Variants in UBE2E2 observed in about 807,000 individuals in gnomAD.
UBE2E2 encodes the protein ubiquitin conjugating enzyme E2 E2, also known as ubiquitin-conjugating enzyme E2 E2.
A neutral mutation model predicts 24.7 loss-of-function variants in UBE2E2; 6 were observed. The ratio of observed to expected loss-of-function variants is 0.24; its 90% confidence interval spans 0.13 to 0.48. The LOEUF (loss-of-function observed/expected upper bound fraction) is 0.48, where lower values mean the gene tolerates loss of function less well. Ranked by LOEUF, UBE2E2 falls within the 20% of genes least tolerant of loss-of-function variation. The pLI is 0.99. For missense variants in UBE2E2, 169 were observed against 245.0 expected (o/e 0.69, Z 2.07); for synonymous variants, 104 against 83.6 (o/e 1.24, Z -1.33).
chr3:23,524,849 T>TACACACAG (rs1036851446), intron 4 of UBE2E2, among the ~76,000 whole-genome samples: 144 of 132,486 alleles, frequency 1.1e-3, no homozygotes, highest in Admixed American at 2.1e-3. Flanking sequence ...GAGATACAGA[T>TACACACAG]ACACACAGAC....
intron 3 of UBE2E2, among the ~76,000 whole-genome samples, chr3:23,275,957 C>T (rs764776777): frequency 2.6e-5 from 4 of 152,092 alleles, no homozygotes; most frequent in African/African-American, 4.8e-5. Context: ...CCAGAGACTA[C>T]GTATCTGAGA....
At chr3:23,496,695 A>T (rs1483134245) in intron 3 of UBE2E2, among the ~76,000 whole-genome samples, 1 of 152,080 alleles carries the variant, frequency 6.6e-6, no homozygotes, top group Non-Finnish European at 1.5e-5. Flanking sequence ...CAATTTTGCT[A>T]TTATAAATAG....
intron 3 of UBE2E2, among the ~76,000 whole-genome samples, chr3:23,308,284 A>G (rs17012988): frequency 0.029 from 4,379 of 152,302 alleles, 108 homozygotes; most frequent in East Asian, 0.13. Context: ...TCCTTCTCTT[A>G]TAAGCCCCTA....
intron 3 of UBE2E2, among the ~76,000 whole-genome samples, chr3:23,344,154 G>T (rs1375153704): frequency 6.6e-6 from 1 of 152,018 alleles, no homozygotes; most frequent in Non-Finnish European, 1.5e-5. Context: ...CAGATTTGGG[G>T]ATGTCTAATC....
intron 3 of UBE2E2, among the ~76,000 whole-genome samples, chr3:23,467,651 A>T (rs1698950526): frequency 6.6e-6 from 1 of 152,180 alleles, no homozygotes; most frequent in Non-Finnish European, 1.5e-5. Flanking sequence ...CTGCACTGTG[A>T]TCTATGGTTA....
intron 3 of UBE2E2, among the ~76,000 whole-genome samples, chr3:23,317,380 A>G (rs979407258): frequency 4.5e-4 from 69 of 152,160 alleles, no homozygotes; most frequent in African/African-American, 1.5e-3. Context: ...GTGAGTTCCA[A>G]TGCAAAGCCC....
At chr3:23,223,300 C>G (rs1034976272) in intron 3 of UBE2E2, among the ~76,000 whole-genome samples, 1 of 150,828 alleles carries the variant, frequency 6.6e-6, no homozygotes, top group African/African-American at 2.4e-5. Context: ...TCAAGTGATT[C>G]TTCTGCCTCA....
At chr3:23,429,518 G>A (rs913044048) in intron 3 of UBE2E2, among the ~76,000 whole-genome samples, 1 of 152,074 alleles carries the variant, frequency 6.6e-6, no homozygotes, top group Non-Finnish European at 1.5e-5. Context: ...CCGTCAACAG[G>A]CTAAAGAAAA....
At chr3:23,328,076 T>C (rs1694952330) in intron 3 of UBE2E2, among the ~76,000 whole-genome samples, 1 of 152,212 alleles carries the variant, frequency 6.6e-6, no homozygotes, top group Non-Finnish European at 1.5e-5. Context: ...ATATAAATAC[T>C]GAGGAAATCA....
At chr3:23,548,185 G>C (rs35982877) in intron 5 of UBE2E2, among the ~76,000 whole-genome samples, 7,797 of 152,220 alleles carry the variant, frequency 0.051, 273 homozygotes, top group East Asian at 0.13. Flanking sequence ...GAAAGAAAAT[G>C]AATCACGTCA....
intron 5 of UBE2E2, among the ~76,000 whole-genome samples, chr3:23,569,242 C>T (rs958266793): frequency 6.6e-6 from 1 of 152,094 alleles, no homozygotes; most frequent in Admixed American, 6.6e-5. Flanking sequence ...CATATTATTC[C>T]ATTTAGGAAA....
chr3:23,486,100 G>A (rs916518094), intron 3 of UBE2E2, among the ~76,000 whole-genome samples: 1 of 152,164 alleles, frequency 6.6e-6, no homozygotes, highest in Non-Finnish European at 1.5e-5. Flanking sequence ...TTGCACTACT[G>A]GCCTGGATCC....
intron 3 of UBE2E2, among the ~76,000 whole-genome samples, chr3:23,330,496 A>G (rs1695031778): frequency 6.6e-6 from 1 of 152,242 alleles, no homozygotes; most frequent in Non-Finnish European, 1.5e-5. Flanking sequence ...AAGAAAGATT[A>G]GAATCCTGTG....
chr3:23,589,059 T>C lies in UBE2E2; in HGVS notation c.509-675T>C, dbSNP rs2125523987. 6.6e-6 allele frequency among the ~76,000 whole-genome samples: 1 copy of C among 152,086 alleles called. No individual in the cohort carries two copies. Among genetic ancestry groups the C allele is most frequent in the African/African-American group, 2.4e-5 (1 of 41,454 alleles). ...GGAGTTGTCCAGACCGCCAAACGTC[T>C]TCCCAGGAGAGCTCATCAAGAGCCC... is the stretch of plus-strand genomic sequence containing the variant. On this transcript the variant is annotated intron_variant, in intron 5 of 5. Transcript: ENST00000396703. The surrounding 1 kb of genome is among the most constrained non-coding windows in gnomAD (Gnocchi z 4.1).
intron 3 of UBE2E2, chr3:23,270,820 CTCT>C (rs1698220887): frequency 2.3e-6 from 1 of 434,266 alleles, no homozygotes; most frequent in Admixed American, 2.4e-5. Flanking sequence ...TTAACACACT[CTCT>C]TAGGTGTGCA....
intron 3 of UBE2E2, among the ~76,000 whole-genome samples, chr3:23,244,867 T>C (rs1364723775): frequency 1.3e-5 from 2 of 152,144 alleles, no homozygotes; most frequent in Non-Finnish European, 2.9e-5. Flanking sequence ...AAGGTACAAA[T>C]TGTATTACTG....
At chr3:23,420,162 C>A (rs901601212) in intron 3 of UBE2E2, among the ~76,000 whole-genome samples, 1 of 152,148 alleles carries the variant, frequency 6.6e-6, no homozygotes, top group Non-Finnish European at 1.5e-5. Flanking sequence ...CAGTTATCTG[C>A]TAAATGTAAG....
intron 4 of UBE2E2, among the ~76,000 whole-genome samples, chr3:23,501,493 A>G (rs41380744): frequency 0.016 from 2,501 of 152,304 alleles, 30 homozygotes; most frequent in Non-Finnish European, 0.023. Flanking sequence ...CCAAGAGTGT[A>G]CAACCAGGAA....
intron 3 of UBE2E2, 105 bp from the exon 4 acceptor site, chr3:23,499,503 T>C: frequency 1.4e-6 from 2 of 1,393,244 alleles, no homozygotes; most frequent in Non-Finnish European, 1.9e-6. Flanking sequence ...GATTAACTTT[T>C]TGTGTTTTTA....
Sources: allele counts gnomAD v4.1 joint callset (sites outside exome capture counted in the v4.1 genomes callset), GRCh38; gene constraint gnomAD v4.1.1; non-coding constraint Gnocchi (gnomAD v3.1); transcripts MANE v1.5; gene names NCBI Gene and HGNC (gene_info 2026-07-23, HGNC 2026-07-21).